KCNH5: variants seen among roughly 807,000 people sequenced by gnomAD.
KCNH5 encodes the protein voltage-gated delayed rectifier potassium channel KCNH5.
A neutral mutation model predicts 96.1 loss-of-function variants in KCNH5; 46 were observed. The ratio of observed to expected loss-of-function variants is 0.48; its 90% CI spans 0.38 to 0.61. KCNH5 has a LOEUF of 0.61. KCNH5 is among the 20% of genes least tolerant of loss of function. KCNH5 has a pLI of 0.00. For synonymous variants in KCNH5, 439 were observed against 449.8 expected (o/e 0.98, Z 0.30); for missense variants, 907 against 1,225.8 (o/e 0.74, Z 3.88).
At chr14:62,964,549 T>G (rs1289187505) in intron 6 of KCNH5, among the ~76,000 whole-genome samples, 3 of 152,070 alleles carry the variant, frequency 2.0e-5, no homozygotes, top group Non-Finnish European at 4.4e-5. Flanking sequence ...GAATATTAAC[T>G]CTGACCAAGA....
rs1167569957 is a variant in KCNH5 at position 62,706,408 on chromosome 14, T to C, written c.*1100A>G. On this transcript the variant is annotated 3_prime_UTR_variant, in exon 11 of 11. Coordinates refer to ENST00000322893, the MANE Select transcript of KCNH5 (RefSeq NM_139318.5). The stretch of plus-strand genomic sequence containing the variant: ...GGTTTGTTTGTTTTACCACATTTCA[T>C]GTGTTATCACTACAAACACTAGGAT... 6.6e-6 allele frequency: 1 copy of C among 152,226 alleles called. No individual in the cohort carries two copies. Among genetic ancestry groups the C allele is most frequent in the Non-Finnish European group, 1.5e-5 (1 of 68,004 alleles). 9.4% of individuals were successfully genotyped at this position (152,226 alleles called of 1,614,324 possible).
At chr14:62,895,195 T>C (rs1223447178) in intron 7 of KCNH5, among the ~76,000 whole-genome samples, 1 of 152,230 alleles carries the variant, frequency 6.6e-6, no homozygotes, top group Non-Finnish European at 1.5e-5. Flanking sequence ...TACAATTAAG[T>C]GTTCTTTGTT....
intron 7 of KCNH5, among the ~76,000 whole-genome samples, chr14:62,853,494 A>ATATATATATATCATATATATATATATAT (rs375695583): frequency 9.8e-6 from 1 of 102,072 alleles, no homozygotes; most frequent in African/African-American, 3.5e-5. Flanking sequence ...ATATATATAT[A>ATATATATATATCATATATATATATATAT]ATCTTGGCCA....
chr14:62,956,231 T>C (rs1479604069), intron 6 of KCNH5, among the ~76,000 whole-genome samples: 3 of 152,108 alleles, frequency 2.0e-5, no homozygotes, highest in Non-Finnish European at 4.4e-5. Context: ...AAACATCATG[T>C]TGAGCAAAAG....
At position 62,817,503 on chromosome 14, in the gene KCNH5, A is replaced by G. The variant is rs559560604; in HGVS notation, c.1570-14922T>C. Among the ~76,000 whole-genome samples, 6 of 149,414 alleles carry G rather than the reference A, an allele frequency of 4.0e-5. No homozygotes were observed. In the South Asian group the frequency reaches 1.2e-3, roughly 31 times the overall value. On this transcript the variant is annotated intron_variant, in intron 8 of 10. Transcript: ENST00000322893. ...AAAATATTCGGTTTGAGGAGAAAAA[A>G]GAATGAAAAAGAGTGAAGAGAGCTT...
chr14:62,745,611 T>C (rs1416451440), intron 10 of KCNH5, among the ~76,000 whole-genome samples: 1 of 152,140 alleles, frequency 6.6e-6, no homozygotes, highest in East Asian at 1.9e-4. Context: ...AAACATCATG[T>C]CTGTAAGGGG....
chr14:62,960,531 C>T (rs1300039730), intron 6 of KCNH5, among the ~76,000 whole-genome samples: 1 of 152,094 alleles, frequency 6.6e-6, no homozygotes, highest in Non-Finnish European at 1.5e-5. Flanking sequence ...ACAGGTAGTA[C>T]CATATCAGGC....
chr14:62,862,494 A>T (rs1030033490), intron 7 of KCNH5, among the ~76,000 whole-genome samples: 1 of 152,150 alleles, frequency 6.6e-6, no homozygotes, highest in Non-Finnish European at 1.5e-5. Context: ...CGGTATGCAA[A>T]TCCCTTCGTG....
At chr14:62,908,219 C>T (rs1215482267) in intron 7 of KCNH5, among the ~76,000 whole-genome samples, 1 of 152,196 alleles carries the variant, frequency 6.6e-6, no homozygotes, top group Non-Finnish European at 1.5e-5. Flanking sequence ...TTCTTGAACA[C>T]ATTTCATCTT....
intron 1 of KCNH5, among the ~76,000 whole-genome samples, chr14:63,037,714 A>C (rs1891749371): frequency 6.6e-6 from 1 of 152,166 alleles, no homozygotes; most frequent in Admixed American, 6.5e-5. Context: ...TGGCAACCTG[A>C]GGCTGGCCCT....
chr14:62,789,816 A>G lies in KCNH5; in HGVS notation c.1823-9892T>C, dbSNP rs1305332457. On this transcript the variant is annotated intron_variant, in intron 9 of 10. Transcript: ENST00000322893. Reference sequence around the variant, plus strand: ...TTGAGTTGTAAGAGTTCTTACATATATGTGGTTTGCAAATATATTTCCCAG... The same window carrying G: ...TTGAGTTGTAAGAGTTCTTACATATGTGTGGTTTGCAAATATATTTCCCAG... Among the ~76,000 whole-genome samples the G allele has an allele frequency of 3.3e-5, 5 of 151,820 alleles. No individual in the cohort carries two copies. The East Asian group carries it at 9.6e-4, about 29-fold the overall frequency.
In KCNH5 at chr14:62,704,377, C is replaced by T. The variant is rs1884392442; in HGVS notation, c.*3131G>A. 1 of 151,870 alleles carries T rather than the reference C, an allele frequency of 6.6e-6. No homozygotes were observed. Among genetic ancestry groups the T allele is most frequent in the African/African-American group, 2.4e-5 (1 of 41,430 alleles). 9.4% of individuals were successfully genotyped at this position (151,870 alleles called of 1,614,324 possible). A position where few individuals can be genotyped will look rare whatever the true frequency, so the allele number is the denominator to read the frequency against. ...TGCCTGAACCATTTTCAGTACCATT[C>T]ATATAGCTTTGGTATTGTCATCTGG... On this transcript the variant is annotated 3_prime_UTR_variant, in exon 11 of 11. Coordinates refer to ENST00000322893, the MANE Select transcript of KCNH5 (RefSeq NM_139318.5).
At chr14:62,938,355 C>A (rs1048699148) in intron 7 of KCNH5, among the ~76,000 whole-genome samples, 8 of 152,164 alleles carry the variant, frequency 5.3e-5, no homozygotes, top group Admixed American at 2.0e-4. Context: ...TGGTACCTAA[C>A]CTTCCAGGGA....
At chr14:62,802,770 T>C (rs955222221) in intron 8 of KCNH5, among the ~76,000 whole-genome samples, 189 bp from the exon 9 acceptor site, 3 of 152,146 alleles carry the variant, frequency 2.0e-5, no homozygotes, top group Admixed American at 6.6e-5. Context: ...TCCACTGAGA[T>C]GGGCTGATGA....
intron 10 of KCNH5, among the ~76,000 whole-genome samples, chr14:62,752,942 A>G (rs1418260164): frequency 6.6e-6 from 1 of 152,188 alleles, no homozygotes; most frequent in African/African-American, 2.4e-5. Context: ...CCAGTCTCAG[A>G]TAGTATCTTT....
chr14:62,861,883 C>T (rs1337970367), intron 7 of KCNH5, among the ~76,000 whole-genome samples: 1 of 152,054 alleles, frequency 6.6e-6, no homozygotes, highest in African/African-American at 2.4e-5. Flanking sequence ...GCAAAGATTA[C>T]CTTACCTATT....
chr14:62,978,881 G>A (rs956319724), intron 6 of KCNH5, among the ~76,000 whole-genome samples: 3 of 152,060 alleles, frequency 2.0e-5, no homozygotes, highest in Non-Finnish European at 2.9e-5. Context: ...GCTAGTTAAC[G>A]TATGTGTTTC....
intron 8 of KCNH5, among the ~76,000 whole-genome samples, chr14:62,825,482 T>C (rs1212471380): frequency 1.3e-5 from 2 of 152,094 alleles, no homozygotes; most frequent in South Asian, 2.1e-4. Context: ...CCTAGTCTAA[T>C]TTCCTTCCAG....
chr14:62,701,814 G>T lies in KCNH5; in HGVS notation c.*5694C>A, dbSNP rs1256979164. ...GAGAAAATTATTGAAACTCTCTGAA[G>T]TAAATATACATACTGTGAGCTCATT... On this transcript the variant is annotated 3_prime_UTR_variant, in exon 11 of 11. Transcript: ENST00000322893. 9.2e-5 allele frequency: 14 copies of T among 151,996 alleles called. No individual in the cohort carries two copies. The highest frequency in any genetic ancestry group is 7.9e-4 in the Admixed American group (12 of 15,254). The allele number at this position is 151,996 out of a possible 1,614,324, so 9.4% of individuals were successfully genotyped here.
Sources: allele counts gnomAD v4.1 joint callset (sites outside exome capture counted in the v4.1 genomes callset), GRCh38; gene constraint gnomAD v4.1.1; transcripts MANE v1.5; gene names NCBI Gene and HGNC (gene_info 2026-07-23, HGNC 2026-07-21).